Variants in PCSK2 observed in about 807,000 individuals in gnomAD.
PCSK2 encodes the protein neuroendocrine convertase 2.
PCSK2 carries 14 observed loss-of-function variants against 69.7 expected under a neutral mutation model. The observed-to-expected ratio is 0.20, with a 90% CI of 0.13 to 0.31. The LOEUF (loss-of-function observed/expected upper bound fraction) is 0.31, where lower values mean the gene tolerates loss of function less well. Among genes scored for constraint, PCSK2 ranks in the 10% least tolerant of loss-of-function variants. The probability of loss-of-function intolerance (pLI) is 1.00; values close to 1 mark genes in which losing one functional copy is unlikely to be tolerated. For missense variants in PCSK2, 544 were observed against 842.5 expected, an observed-to-expected ratio of 0.65 and a Z score of 4.39; for synonymous variants, 307 against 320.7, an observed-to-expected ratio of 0.96 and a Z score of 0.46.
At chr20:17,441,742 A>G (rs1025809695) in intron 8 of PCSK2, among the ~76,000 whole-genome samples, 5 of 152,096 alleles carry the variant, frequency 3.3e-5, no homozygotes, top group Non-Finnish European at 5.9e-5. Flanking sequence ...ACTCGCCCCC[A>G]TGATTCAGTT....
chr20:17,357,711 A>G (rs2030249179), intron 2 of PCSK2, among the ~76,000 whole-genome samples: 1 of 152,122 alleles, frequency 6.6e-6, no homozygotes, highest in Non-Finnish European at 1.5e-5. Context: ...ACTGACCAAC[A>G]TGGAGAAGCC....
intron 11 of PCSK2, among the ~76,000 whole-genome samples, chr20:17,466,735 T>C (rs1223794152): frequency 6.6e-6 from 1 of 152,238 alleles, no homozygotes; most frequent in East Asian, 1.9e-4. Context: ...GATAAATGTA[T>C]ACACCCTGGT....
In PCSK2 at chr20:17,396,511, G is replaced by C. The variant is rs73257683; in HGVS notation, c.544-12752G>C. On this transcript the variant is annotated intron_variant, in intron 5 of 11. Transcript: ENST00000262545. ...TTCTATTTCCTTCAACTTCAAATTA[G>C]CCATTGTTTCCACATCATCCTCTCA... is the stretch of plus-strand genomic sequence containing the variant. 2.1e-3 allele frequency among the ~76,000 whole-genome samples: 315 copies of C among 152,124 alleles called. 1 individual carries two copies. Among genetic ancestry groups the C allele is most frequent in the African/African-American group, 7.3e-3 (302 of 41,480 alleles).
chr20:17,424,303 A>G (rs2032196979), intron 6 of PCSK2, among the ~76,000 whole-genome samples: 1 of 152,210 alleles, frequency 6.6e-6, no homozygotes, highest in Non-Finnish European at 1.5e-5. Flanking sequence ...AGGAAATTTT[A>G]TACAGTTTGA....
chr20:17,321,714 C>T (rs1989874096), intron 2 of PCSK2, among the ~76,000 whole-genome samples: 1 of 152,142 alleles, frequency 6.6e-6, no homozygotes, highest in South Asian at 2.1e-4. Flanking sequence ...CCACCAACTG[C>T]CATCTTCAGC....
intron 4 of PCSK2, among the ~76,000 whole-genome samples, chr20:17,366,993 A>T (rs1309953278): frequency 6.6e-6 from 1 of 152,108 alleles, no homozygotes; most frequent in Admixed American, 6.5e-5. Context: ...TGGAAAATAT[A>T]TTCTCTGGGT....
chr20:17,231,246 A>G (rs1178307169), intron 1 of PCSK2, among the ~76,000 whole-genome samples: 1 of 152,236 alleles, frequency 6.6e-6, no homozygotes, highest in African/African-American at 2.4e-5. Flanking sequence ...ATAATGTGTG[A>G]GAATTTTTTA....
chr20:17,336,602 C>CTGAATGTGAACAA (rs2123163155), intron 2 of PCSK2, among the ~76,000 whole-genome samples: 1 of 152,328 alleles, frequency 6.6e-6, no homozygotes, highest in Non-Finnish European at 1.5e-5. Context: ...AATGGCAGTT[C>CTGAATGTGAACAA]TGGCTTCTGA....
intron 2 of PCSK2, among the ~76,000 whole-genome samples, chr20:17,322,464 G>A (rs1237729318): frequency 1.3e-5 from 2 of 152,162 alleles, no homozygotes; most frequent in African/African-American, 2.4e-5. Flanking sequence ...CTTCAAGGGG[G>A]TAATTAAGGT....
At chr20:17,279,648 A>C (rs983808060) in intron 2 of PCSK2, among the ~76,000 whole-genome samples, 1 of 152,194 alleles carries the variant, frequency 6.6e-6, no homozygotes, top group African/African-American at 2.4e-5. Flanking sequence ...TCTACTGGGC[A>C]TAGTGGTGCA....
intron 2 of PCSK2, among the ~76,000 whole-genome samples, chr20:17,277,512 C>T (rs950501346): frequency 6.6e-6 from 1 of 152,104 alleles, no homozygotes; most frequent in African/African-American, 2.4e-5. Flanking sequence ...AACTGGCTAG[C>T]CATATGTAGA....
chr20:17,428,997 CAAAAAAAAAA>C (rs60206058), intron 6 of PCSK2, among the ~76,000 whole-genome samples: 50 of 36,946 alleles, frequency 1.4e-3, no homozygotes, highest in African/African-American at 3.1e-3. Flanking sequence ...GACTCTGTCT[CAAAAAAAAAA>C]AAAAAAAAAA....
chr20:17,384,746 A>G (rs1363020891), intron 5 of PCSK2, among the ~76,000 whole-genome samples: 2 of 152,182 alleles, frequency 1.3e-5, no homozygotes, highest in Non-Finnish European at 2.9e-5. Context: ...CAGCCTGAGT[A>G]ACATGGCAAC....
At chr20:17,479,209 C>T (rs1305280135) in intron 11 of PCSK2, 2 of 1,365,848 alleles carry the variant, frequency 1.5e-6, no homozygotes, top group Non-Finnish European at 2.1e-6. Flanking sequence ...AAGCCATATG[C>T]GCTCTTCTGG....
chr20:17,392,255 C>G (rs1250042742), intron 5 of PCSK2, among the ~76,000 whole-genome samples: 1 of 152,094 alleles, frequency 6.6e-6, no homozygotes, highest in Non-Finnish European at 1.5e-5. Flanking sequence ...GCTGACAAGT[C>G]AGGAAGAACT....
At chr20:17,432,358 T>C (rs2032385149) in intron 7 of PCSK2, among the ~76,000 whole-genome samples, 1 of 152,210 alleles carries the variant, frequency 6.6e-6, no homozygotes. Context: ...CCGTGACATG[T>C]AGACCCGCAC....
rs73253659 is a variant in PCSK2, at chr20:17,353,892, C to T, written c.283-4435C>T. Among the ~76,000 whole-genome samples the T allele has an allele frequency of 2.9e-3, 446 of 152,230 alleles. 3 individuals are homozygous for T. Among genetic ancestry groups the T allele is most frequent in the African/African-American group, 0.01 (428 of 41,516 alleles). On this transcript the variant is annotated intron_variant, in intron 2 of 11. Coordinates refer to ENST00000262545, the MANE Select transcript of PCSK2 (RefSeq NM_002594.5). ...GTTCATTATCCTAAGCAAATTAACA[C>T]CTGAACAGAAAGACAAATACCAGGA...
At chr20:17,474,475 C>T (rs1004879637) in intron 11 of PCSK2, among the ~76,000 whole-genome samples, 4 of 152,184 alleles carry the variant, frequency 2.6e-5, no homozygotes, top group African/African-American at 9.6e-5. Context: ...TCCATCTCTC[C>T]CTTGCACCCT....
At position 17,456,456 on chromosome 20, in the gene PCSK2, C is replaced by G. The variant is rs374052274; in HGVS notation, c.1202+8C>G. ...ACTGGCTCTGGAGGCTAAGTATGTT[C>G]ATAGCTCTGGGTCCAGGGCCAGCTC... On this transcript the variant is annotated splice_region_variant and intron_variant, in intron 10 of 11. Coordinates refer to ENST00000262545, the MANE Select transcript of PCSK2 (RefSeq NM_002594.5). 9.2e-6 allele frequency: 14 copies of G among 1,517,400 alleles called. No homozygotes were observed. Among genetic ancestry groups the G allele is most frequent in the East Asian group, 2.3e-5 (1 of 44,400 alleles). The allele number at this position is 1,517,400 out of a possible 1,614,324, so 94.0% of individuals were successfully genotyped here. A position where few individuals can be genotyped will look rare whatever the true frequency, so the allele number is the denominator to read the frequency against.
Sources: gnomAD v4.1 joint callset for allele counts (sites outside exome capture counted in the v4.1 genomes callset) on GRCh38, gnomAD v4.1.1 for gene constraint, MANE v1.5 for transcripts, NCBI Gene and HGNC (gene_info 2026-07-23, HGNC 2026-07-21) for gene names.